The following CNTN4 variants were observed in gnomAD, a reference collection of about 807,000 sequenced individuals.
The protein encoded by CNTN4 is contactin-4.
CNTN4 carries 77 observed loss-of-function variants against 122.5 expected under a neutral mutation model. The ratio of observed to expected loss-of-function variants is 0.63; its 90% CI spans 0.52 to 0.76. The LOEUF is 0.76. CNTN4 is among the 30% of genes least tolerant of loss of function. CNTN4 has a pLI of 0.00. For missense variants in CNTN4, 1,256 were observed against 1,259.1 expected (o/e 1.00, Z 0.04); for synonymous variants, 512 against 447.0 (o/e 1.15, Z -1.83).
At chr3:2,248,347 A>T (rs77816552) in intron 2 of CNTN4, among the ~76,000 whole-genome samples, 1 of 152,010 alleles carries the variant, frequency 6.6e-6, no homozygotes, top group Admixed American at 6.6e-5. Flanking sequence ...TAGCCCTGAA[A>T]AAAAGGAGTA....
intron 3 of CNTN4, among the ~76,000 whole-genome samples, chr3:2,490,151 A>G (rs1011209655): frequency 1.1e-4 from 1 of 8,752 alleles, no homozygotes; most frequent in Admixed American, 1.9e-3. Context: ...ACAAAAAGGA[A>G]AAAAGAAAAC....
intron 2 of CNTN4, among the ~76,000 whole-genome samples, chr3:2,220,684 A>C (rs943366288): frequency 6.6e-6 from 1 of 152,084 alleles, no homozygotes; most frequent in African/African-American, 2.4e-5. Context: ...ATATCTCCTC[A>C]TTGTTGTGAT....
intron 3 of CNTN4, among the ~76,000 whole-genome samples, chr3:2,514,251 C>T (rs978342677): frequency 6.6e-6 from 1 of 152,118 alleles, no homozygotes; most frequent in South Asian, 2.1e-4. Flanking sequence ...CCTCTGCACA[C>T]AAATCATACC....
At chr3:2,323,408 C>T (rs2043338752) in intron 2 of CNTN4, among the ~76,000 whole-genome samples, 1 of 152,112 alleles carries the variant, frequency 6.6e-6, no homozygotes, top group Non-Finnish European at 1.5e-5. Flanking sequence ...TTAAAGTGCA[C>T]ATCCGTCCCT....
chr3:2,119,369 A>G (rs576443738), intron 2 of CNTN4, among the ~76,000 whole-genome samples: 19 of 152,144 alleles, frequency 1.2e-4, no homozygotes, highest in Non-Finnish European at 2.5e-4. Context: ...TACTACACCA[A>G]TATTCCTTAT....
chr3:2,167,961 G>A (rs1026418761), intron 2 of CNTN4, among the ~76,000 whole-genome samples: 1 of 152,184 alleles, frequency 6.6e-6, no homozygotes, highest in Non-Finnish European at 1.5e-5. Context: ...AACATAGGAA[G>A]ACTCCATCTC....
chr3:3,027,579 A>G (rs1037301049), intron 15 of CNTN4, among the ~76,000 whole-genome samples: 1 of 152,224 alleles, frequency 6.6e-6, no homozygotes, highest in Non-Finnish European at 1.5e-5. Context: ...TAATGGTGGT[A>G]TTAATTGAAG....
chr3:2,118,476 AT>A (rs2033519480), intron 2 of CNTN4, among the ~76,000 whole-genome samples: 1 of 152,254 alleles, frequency 6.6e-6, no homozygotes, highest in African/African-American at 2.4e-5. Context: ...GTTAAGAACC[AT>A]TTTAAAATGG....
chr3:2,818,390 T>A (rs1311415833), intron 6 of CNTN4, among the ~76,000 whole-genome samples: 1 of 152,170 alleles, frequency 6.6e-6, no homozygotes, highest in Non-Finnish European at 1.5e-5. Flanking sequence ...GTACATGAGA[T>A]AATCATCATA....
chr3:2,150,748 A>G (rs562038859), intron 2 of CNTN4, among the ~76,000 whole-genome samples: 1 of 152,112 alleles, frequency 6.6e-6, no homozygotes, highest in Non-Finnish European at 1.5e-5. Context: ...AGAGCAGGGC[A>G]CTCTCCTGCA....
At chr3:2,932,061 G>T (rs1433080245) in intron 13 of CNTN4, among the ~76,000 whole-genome samples, 1 of 151,612 alleles carries the variant, frequency 6.6e-6, no homozygotes, top group East Asian at 1.9e-4. Flanking sequence ...GGCCGGGGTG[G>T]GGGGTGGGAG....
At chr3:2,612,840 T>C (rs1237710003) in intron 4 of CNTN4, among the ~76,000 whole-genome samples, 3 of 152,134 alleles carry the variant, frequency 2.0e-5, no homozygotes, top group African/African-American at 7.2e-5. Flanking sequence ...TAGGAGGATA[T>C]AACAACTTAA....
At chr3:2,277,949 G>A (rs980323809) in intron 2 of CNTN4, among the ~76,000 whole-genome samples, 2 of 150,988 alleles carry the variant, frequency 1.3e-5, no homozygotes, top group Non-Finnish European at 3.0e-5. Context: ...TTTTTTTTTC[G>A]CAGAAAATTG....
chr3:3,040,429 C>A, intron 20 of CNTN4, 158 bp downstream of exon 20: 3 of 674,878 alleles, frequency 4.4e-6, no homozygotes, highest in South Asian at 3.2e-5. Context: ...CGCTGTCCAC[C>A]ATGAATCTCT....
chr3:2,568,318 A>AAG (rs36046854), intron 3 of CNTN4, among the ~76,000 whole-genome samples: 1,338 of 17,462 alleles, frequency 0.077, 9 homozygotes, highest in Non-Finnish European at 0.11. Context: ...CAAGAATGTG[A>AAG]AAAAAAAAAA....
chr3:2,230,172 T>C (rs1298700700), intron 2 of CNTN4, among the ~76,000 whole-genome samples: 1 of 152,220 alleles, frequency 6.6e-6, no homozygotes, highest in African/African-American at 2.4e-5. Flanking sequence ...CAGCAGCGCA[T>C]TGACAGCACA....
At chr3:2,864,755 A>AAAAAAAAAAAAAAAAAT (rs2093706146) in intron 7 of CNTN4, among the ~76,000 whole-genome samples, 2 of 149,930 alleles carry the variant, frequency 1.3e-5, no homozygotes, top group Non-Finnish European at 3.0e-5. Flanking sequence ...AAAAAAAAAA[A>AAAAAAAAAAAAAAAAAT]GTTTCCGGTA....
At chr3:2,363,058 G>C (rs1244661316) in intron 3 of CNTN4, among the ~76,000 whole-genome samples, 1 of 152,068 alleles carries the variant, frequency 6.6e-6, no homozygotes, top group African/African-American at 2.4e-5. Context: ...CCATTAATTG[G>C]ATTGAATTAT....
At chr3:2,715,961 T>G (rs1039518417) in intron 4 of CNTN4, among the ~76,000 whole-genome samples, 4 of 152,108 alleles carry the variant, frequency 2.6e-5, no homozygotes, top group Admixed American at 2.6e-4. Flanking sequence ...TGTTTTAATT[T>G]TATTTGTTTA....
Sources: allele counts gnomAD v4.1 joint callset (sites outside exome capture counted in the v4.1 genomes callset), GRCh38; gene constraint gnomAD v4.1.1; transcripts MANE v1.5; gene names NCBI Gene and HGNC (gene_info 2026-07-23, HGNC 2026-07-21).